Variants in DEAF1 observed in about 807,000 individuals in gnomAD.
DEAF1 encodes DEAF1 transcription factor, also known as deformed epidermal autoregulatory factor 1 homolog.
DEAF1 carries 53 observed loss-of-function variants against 58.9 expected under a neutral mutation model. That is an observed-to-expected ratio of 0.90 (90% CI 0.72 to 1.13). The LOEUF (loss-of-function observed/expected upper bound fraction) is 1.13. DEAF1 is among the 50% of genes most tolerant of loss of function. The probability of loss-of-function intolerance (pLI) is 0.00; values close to 1 mark genes in which losing one functional copy is unlikely to be tolerated. For missense variants in DEAF1, 685 were observed against 791.4 expected (o/e 0.87, Z 1.61); for synonymous variants, 385 against 340.4 (o/e 1.13, Z -1.44).
At chr11:699,074 A>G (rs1166722239), upstream of DEAF1, 2 of 698,920 alleles carry the variant, frequency 2.9e-6, no homozygotes, top group East Asian at 2.7e-5. Flanking sequence ...TGCTGGCTCC[A>G]TCCCCTACCT....
At chr11:655,250 G>A (rs1222326846) in intron 10 of DEAF1, among the ~76,000 whole-genome samples, 2 of 152,224 alleles carry the variant, frequency 1.3e-5, no homozygotes, top group African/African-American at 4.8e-5. Flanking sequence ...TGCTGCGGCG[G>A]TGCCCCAGCC....
chr11:699,193 T>A, upstream of DEAF1: 1 of 472,090 alleles, frequency 2.1e-6, no homozygotes, highest in South Asian at 3.9e-5. Context: ...AATCCCTCAC[T>A]TTGTCCCTAG....
At chr11:694,447 A>T in intron 1 of DEAF1, 1 of 230,768 alleles carries the variant, frequency 4.3e-6, no homozygotes, top group Non-Finnish European at 7.6e-6. Flanking sequence ...TATTTGTGGC[A>T]GGTGGGGCAG....
rs1858376405 is a variant in DEAF1 at position 644,347 on chromosome 11, G to GCGGGCAGGGGGCC, written c.*190_*202dup. 4.8e-6 allele frequency: 3 copies of GCGGGCAGGGGGCC among 626,670 alleles called. No homozygotes were observed. The highest frequency in any genetic ancestry group is 2.5e-5 in the Admixed American group (1 of 40,810). 38.8% of individuals were successfully genotyped at this position (626,670 alleles called of 1,614,324 possible). ...CCAGGGATAAAAAATCTGTCCGCGA[G>GCGGGCAGGGGGCC]CGGGCAGGGGGCCCGGGCAGGGGGA... On this transcript the variant is annotated 3_prime_UTR_variant, in exon 12 of 12. Transcript: ENST00000382409. The surrounding 1 kb of genome is among the most constrained non-coding windows in gnomAD (Gnocchi z 4.3).
At chr11:702,825 C>T (rs1325843177) in intron 1 of DEAF1, 3 of 972,874 alleles carry the variant, frequency 3.1e-6, no homozygotes, top group Non-Finnish European at 3.0e-6. Context: ...ATTCCCCAGG[C>T]CCCGGAGGAA....
At chr11:702,839 A>G (rs931669383) in intron 1 of DEAF1, 2 of 1,113,260 alleles carry the variant, frequency 1.8e-6, no homozygotes, top group Middle Eastern at 6.2e-4. Context: ...GGAGGAACGT[A>G]GGGCAAGGAG....
chr11:679,207 T>C (rs751316547), intron 8 of DEAF1, among the ~76,000 whole-genome samples: 15 of 151,296 alleles, frequency 9.9e-5, no homozygotes, highest in Non-Finnish European at 1.9e-4. Flanking sequence ...CCCAGCTACT[T>C]GGGAGGCTGA....
At chr11:691,130 C>T (rs892852304) in intron 2 of DEAF1, among the ~76,000 whole-genome samples, 1 of 152,250 alleles carries the variant, frequency 6.6e-6, no homozygotes, top group East Asian at 1.9e-4. Flanking sequence ...GGGAGGGAAA[C>T]GCCTTGCTTC....
intron 10 of DEAF1, among the ~76,000 whole-genome samples, chr11:655,811 T>C (rs1380703990): frequency 6.7e-6 from 1 of 150,216 alleles, no homozygotes; most frequent in Non-Finnish European, 1.5e-5. Flanking sequence ...GGTTGCCCCC[T>C]GCCTCTACTT....
Position 644,541 on chromosome 11 carries a change from G to A in DEAF1, c.*9C>T, listed in dbSNP as rs374342913. 1.1e-5 allele frequency: 18 copies of A among 1,610,356 alleles called. No homozygotes were observed. The African/African-American group carries it at 1.5e-4, about 13-fold the overall frequency. On this transcript the variant is annotated 3_prime_UTR_variant, in exon 12 of 12. Transcript: ENST00000382409. This position sits in a 1 kb window ranked among gnomAD's most constrained non-coding sequence, Gnocchi z 4.3. ...AGGGGCCCCAGCTCCCAGGGCGGCC[G>A]ATGGAGCCTCACACGGTCACCTTCT...
chr11:699,058 C>T, upstream of DEAF1: 1 of 776,046 alleles, frequency 1.3e-6, no homozygotes, highest in Non-Finnish European at 2.2e-6. Context: ...TTCCTCGGAT[C>T]AGTTCTGCTG....
chr11:660,027 C>G (rs1589981817), intron 10 of DEAF1, among the ~76,000 whole-genome samples: 1 of 152,184 alleles, frequency 6.6e-6, no homozygotes, highest in East Asian at 1.9e-4. Flanking sequence ...GGTCTGCCCC[C>G]GGGACCACTG....
In DEAF1 at chr11:695,008, C is replaced by T; in HGVS notation, c.40G>A (p.Ala14Thr). Residue 14 changes from alanine to threonine, a missense_variant, in exon 1 of 12, where the codon GCT becomes ACT. Physicochemically the swap from Ala to Thr is moderately conservative, Grantham distance 58. Transcript: ENST00000382409. The part of the protein sequence containing the change: ...SDSAAKQLGL[A>T]EAAAVAAAAA... ...GCGGCCGCCACCGCCGCCGCCTCAG[C>T]CAGGCCCAGCTGCTTTGCCGCCGAG... The T allele has an allele frequency of 7.5e-7, 1 of 1,335,628 alleles. No homozygotes were observed. Among genetic ancestry groups the T allele is most frequent in the Non-Finnish European group, 9.6e-7 (1 of 1,039,906 alleles). 82.7% of individuals were successfully genotyped at this position (1,335,628 alleles called of 1,614,324 possible). A position where few individuals can be genotyped will look rare whatever the true frequency, so the allele number is the denominator to read the frequency against.
At chr11:670,655 C>G (rs1184334639) in intron 10 of DEAF1, among the ~76,000 whole-genome samples, 5 of 151,394 alleles carry the variant, frequency 3.3e-5, no homozygotes, top group Non-Finnish European at 5.9e-5. Context: ...ATGGAGGCTG[C>G]AGTGAGCCGA....
intron 5 of DEAF1, 144 bp from the exon 6 acceptor site, chr11:685,107 C>CA (rs1860537555): frequency 1.9e-6 from 1 of 534,138 alleles, no homozygotes; most frequent in African/African-American, 2.9e-5. Context: ...TTTTTTGAGA[C>CA]AGAGTCTTGT....
chr11:694,735 C>T, intron 1 of DEAF1, 24 bp downstream of exon 1: 2 of 1,290,882 alleles, frequency 1.5e-6, no homozygotes, highest in Non-Finnish European at 9.8e-7. Context: ...CCGGACGAGG[C>T]GAGAGGCCGG....
chr11:685,080 TTC>T (rs368917265), intron 5 of DEAF1, 117 bp from the exon 6 acceptor site: 6 of 699,130 alleles, frequency 8.6e-6, no homozygotes, highest in Non-Finnish European at 6.7e-6. Flanking sequence ...AATATAAAAA[TTC>T]TTTTTTTTTT....
At position 704,092 on chromosome 11, in the gene DEAF1, G is replaced by T. The variant is rs181408130; in HGVS notation, c.-438+2480C>A. ...AATATCTAGATATTTTCTCTTCACCGCATTTTGTAAATAAAGAGATGTGTA... is the reference window on the plus strand; with the variant it reads ...AATATCTAGATATTTTCTCTTCACCTCATTTTGTAAATAAAGAGATGTGTA... On this transcript the variant is annotated intron_variant, in intron 1 of 11. Transcript: ENST00000683307. 3 of 1,098,386 alleles carry T rather than the reference G, an allele frequency of 2.7e-6. No individual in the cohort carries two copies. In the African/African-American group the frequency reaches 4.9e-5, roughly 18 times the overall value. The allele number at this position is 1,098,386 out of a possible 1,614,324, so 68.0% of individuals were successfully genotyped here.
Position 644,771 on chromosome 11 carries a change from G to C in DEAF1, c.1594-117C>G, listed in dbSNP as rs948343870. The C allele has an allele frequency of 2.4e-5, 19 of 795,630 alleles. No homozygotes were observed. Among genetic ancestry groups the C allele is most frequent in the Non-Finnish European group, 4.0e-5 (19 of 472,106 alleles). The allele number at this position is 795,630 out of a possible 1,614,324, so 49.3% of individuals were successfully genotyped here. Reference sequence around the variant, plus strand: ...CTCTGTAACCTCACCTGGAGGTGCTGAGAATGCCCTCCCCAGCCCCCGTGC... The same window carrying C: ...CTCTGTAACCTCACCTGGAGGTGCTCAGAATGCCCTCCCCAGCCCCCGTGC... On this transcript the variant is annotated intron_variant, in intron 11 of 11. Coordinates refer to ENST00000382409, the MANE Select transcript of DEAF1 (RefSeq NM_021008.4). This position sits in a 1 kb window ranked among gnomAD's most constrained non-coding sequence, Gnocchi z 4.3.
Sources: allele counts gnomAD v4.1 joint callset (sites outside exome capture counted in the v4.1 genomes callset), GRCh38; gene constraint gnomAD v4.1.1; non-coding constraint Gnocchi (gnomAD v3.1); transcripts MANE v1.5; gene names NCBI Gene and HGNC (gene_info 2026-07-23, HGNC 2026-07-21).